Variants in LMNB1 observed in about 807,000 individuals in gnomAD.
The protein encoded by LMNB1 is lamin-B1.
A neutral mutation model predicts 67.1 loss-of-function variants in LMNB1; 23 were observed. The observed-to-expected ratio is 0.34, with a 90% confidence interval of 0.25 to 0.49. The LOEUF is 0.49. Among genes scored for constraint, LMNB1 ranks in the 20% least tolerant of loss-of-function variants. The pLI, the probability that LMNB1 is intolerant of heterozygous loss-of-function variation, is 0.99. For missense variants in LMNB1, 634 were observed against 746.5 expected (o/e 0.85, Z 1.76); for synonymous variants, 281 against 282.9 (o/e 0.99, Z 0.07).
At position 126,821,049 on chromosome 5, in the gene LMNB1, C is replaced by T. The variant is rs968506931; in HGVS notation, c.1300C>T (p.His434Tyr). ...SEASSSVSISHSASATGNVCI... is the reference protein window; with the variant it reads ...SEASSSVSISYSASATGNVCI... ...GGCGAGTAGTAGTGTTAGCATCTCT[C>T]ATTCCGCCTCAGCCACTGGAAATGT... Residue 434 changes from histidine (H) to tyrosine (Y), a missense_variant, in exon 7 of 11, where the codon CAT becomes TAT. His to Tyr is a moderately conservative substitution (Grantham distance 83, BLOSUM62 2). Coordinates refer to ENST00000261366, the MANE Select transcript of LMNB1 (RefSeq NM_005573.4). 6.2e-7 allele frequency: 1 copy of T among 1,614,014 alleles called. No individual in the cohort carries two copies. Among genetic ancestry groups the T allele is most frequent in the Non-Finnish European group, 8.5e-7 (1 of 1,179,950 alleles).
rs750864255 is a variant in LMNB1, at chr5:126,821,150, C to A, written c.1386+15C>A. On this transcript the variant is annotated intron_variant, in intron 7 of 10. Coordinates refer to ENST00000261366, the MANE Select transcript of LMNB1 (RefSeq NM_005573.4). ...CTTCTGAACAGGTAATAAAATAGAC[C>A]CTTTTTTTTCTAGCAAGGCTTTGTG... 12 of 1,540,848 alleles carry A rather than the reference C, an allele frequency of 7.8e-6. No homozygotes were observed. The East Asian group carries it at 2.0e-4, about 26-fold the overall frequency.
Position 126,777,735 on chromosome 5 carries a change from C to G in LMNB1, c.227C>G (p.Thr76Ser), listed in dbSNP as rs372142905. 1 of 1,540,440 alleles carries G rather than the reference C, an allele frequency of 6.5e-7. No individual in the cohort carries two copies. The highest frequency in any genetic ancestry group is 2.5e-5 in the East Asian group (1 of 39,770). The stretch of plus-strand genomic sequence containing the variant: ...GAGGAGGTGCGCGGCCGTGAGCTCA[C>G]CGGCCTCAAGGCGCTCTACGAGACC... Reference protein sequence around the residue: ...EREEVRGRELTGLKALYETEL... With the variant: ...EREEVRGRELSGLKALYETEL... Residue 76 changes from threonine to serine, a missense_variant, in exon 1 of 11, where the codon ACC becomes AGC. Physicochemically the swap from Thr to Ser is moderately conservative, Grantham distance 58. Coordinates refer to ENST00000261366, the MANE Select transcript of LMNB1 (RefSeq NM_005573.4).
chr5:126,788,439 C>A (rs1297520130), intron 1 of LMNB1, among the ~76,000 whole-genome samples: 5 of 152,096 alleles, frequency 3.3e-5, no homozygotes, highest in East Asian at 1.9e-4. Context: ...GAGTTTGAGA[C>A]CAGCCTGGGC....
At chr5:126,817,697 C>T (rs1580548720) in intron 5 of LMNB1, among the ~76,000 whole-genome samples, 1 of 152,106 alleles carries the variant, frequency 6.6e-6, no homozygotes, top group South Asian at 2.1e-4. Flanking sequence ...AAATTTTGAA[C>T]CTGTACTGCT....
intron 1 of LMNB1, among the ~76,000 whole-genome samples, chr5:126,800,125 T>G (rs947139351): frequency 1.8e-4 from 27 of 152,234 alleles, no homozygotes; most frequent in African/African-American, 6.3e-4. Flanking sequence ...TCTTTCATTT[T>G]TTAACAGAAA....
chr5:126,779,128 AAT>A lies in LMNB1; in HGVS notation c.359+1262_359+1263del, dbSNP rs925535019. Among the ~76,000 whole-genome samples, 94 of 152,272 alleles carry A rather than the reference AAT, an allele frequency of 6.2e-4. 2 individuals carry two copies. Among genetic ancestry groups the A allele is most frequent in the African/African-American group, 2.1e-3 (89 of 41,542 alleles). Reference sequence around the variant, plus strand: ...ATGTCTTTCTGTCTGTATCTGCGTGAATGTCCCTGTCCGAAGTCTCTGAGATT... The same window carrying A: ...ATGTCTTTCTGTCTGTATCTGCGTGAGTCCCTGTCCGAAGTCTCTGAGATT... On this transcript the variant is annotated intron_variant, in intron 1 of 10. Coordinates refer to ENST00000261366, the MANE Select transcript of LMNB1 (RefSeq NM_005573.4).
chr5:126,822,635 C>T (rs1327423831), intron 7 of LMNB1, 146 bp from the exon 8 acceptor site: 3 of 535,860 alleles, frequency 5.6e-6, no homozygotes. Context: ...ATCGTGTTTT[C>T]TTTTTATAGT....
chr5:126,835,499 C>G (rs1752229654), intron 10 of LMNB1, among the ~76,000 whole-genome samples: 1 of 152,204 alleles, frequency 6.6e-6, no homozygotes, highest in Non-Finnish European at 1.5e-5. Flanking sequence ...CAGGATCTAG[C>G]AAGCTGTAGT....
chr5:126,836,055 A>G (rs1752240942), intron 10 of LMNB1, among the ~76,000 whole-genome samples, 168 bp from the exon 11 acceptor site: 1 of 152,238 alleles, frequency 6.6e-6, no homozygotes, highest in African/African-American at 2.4e-5. Context: ...CAAACAAACA[A>G]AGAAAAAGAA....
At chr5:126,805,390 CTG>C (rs2126710847) in intron 2 of LMNB1, among the ~76,000 whole-genome samples, 179 bp from the exon 3 acceptor site, 1 of 152,310 alleles carries the variant, frequency 6.6e-6, no homozygotes, top group East Asian at 1.9e-4. Flanking sequence ...GTATGATACT[CTG>C]TGGGTGGGAC....
chr5:126,794,158 C>T (rs933039077), intron 1 of LMNB1, among the ~76,000 whole-genome samples: 7 of 152,186 alleles, frequency 4.6e-5, no homozygotes, highest in South Asian at 4.1e-4. Flanking sequence ...CTCCTGACCT[C>T]AGGTGATCTG....
chr5:126,791,265 T>C (rs1750950025), intron 1 of LMNB1, among the ~76,000 whole-genome samples: 1 of 152,040 alleles, frequency 6.6e-6, no homozygotes, highest in Admixed American at 6.6e-5. Context: ...CCTTCAGTTG[T>C]TGGAAATTTT....
chr5:126,796,776 T>TTTC (rs1232685303), intron 1 of LMNB1, among the ~76,000 whole-genome samples: 1 of 141,368 alleles, frequency 7.1e-6, no homozygotes, highest in Non-Finnish European at 1.5e-5. Flanking sequence ...TTTCTTTTTC[T>TTTC]TTTTTCTTTC....
intron 1 of LMNB1, among the ~76,000 whole-genome samples, chr5:126,795,253 T>C (rs1320979867): frequency 6.6e-6 from 1 of 151,456 alleles, no homozygotes; most frequent in Non-Finnish European, 1.5e-5. Flanking sequence ...TCCTCCCATC[T>C]CAGTCTCTCT....
At chr5:126,780,498 G>C (rs371439129) in intron 1 of LMNB1, among the ~76,000 whole-genome samples, 2 of 152,152 alleles carry the variant, frequency 1.3e-5, no homozygotes, top group East Asian at 3.8e-4. Flanking sequence ...TTTCAGCGGG[G>C]TTAAAAAATG....
Position 126,832,686 on chromosome 5 carries a change from GT to G in LMNB1, c.1612-3del. ...GTGTTTTTTAACTTAAACTACTATTGTTTTTAGGAGGTTGCTCAAAGAAGTA... is the reference window on the plus strand; with the variant it reads ...GTGTTTTTTAACTTAAACTACTATTGTTTTAGGAGGTTGCTCAAAGAAGTA... On this transcript the variant is annotated splice_polypyrimidine_tract_variant and splice_region_variant and intron_variant, in intron 9 of 10. Coordinates refer to ENST00000261366, the MANE Select transcript of LMNB1 (RefSeq NM_005573.4). The G allele has an allele frequency of 6.3e-7, 1 of 1,595,232 alleles. No homozygotes were observed. The highest frequency in any genetic ancestry group is 1.1e-5 in the South Asian group (1 of 90,594).
Position 126,810,347 on chromosome 5 carries a change from C to T in LMNB1, c.810C>T (p.Ala270=). The T allele has an allele frequency of 1.3e-6, 2 of 1,599,132 alleles. No individual in the cohort carries two copies. Among genetic ancestry groups the T allele is most frequent in the Non-Finnish European group, 1.7e-6 (2 of 1,167,984 alleles). The stretch of plus-strand genomic sequence containing the variant: ...AGGAGCTGGAGCAGACTTACCATGC[C>T]AAAGTGAGCTCTCTTCAGAAGATTC... ...YKEELEQTYH[A]KLENARLSSE... The change falls in exon 4 of 11, where the codon GCC becomes GCT. Residue 270 remains alanine (A), a synonymous_variant. Transcript: ENST00000261366.
intron 1 of LMNB1, among the ~76,000 whole-genome samples, chr5:126,782,431 G>A (rs1177754142): frequency 5.3e-5 from 8 of 152,236 alleles, no homozygotes; most frequent in Admixed American, 5.2e-4. Flanking sequence ...ATGGCAAGTG[G>A]AGAAAGACAG....
At chr5:126,808,880 AT>A (rs111276109) in intron 3 of LMNB1, among the ~76,000 whole-genome samples, 96 of 145,726 alleles carry the variant, frequency 6.6e-4, no homozygotes, top group Admixed American at 9.6e-4. Flanking sequence ...TCTAATTATT[AT>A]TTTTTTTTTT....
Sources: gnomAD v4.1 joint callset for allele counts (sites outside exome capture counted in the v4.1 genomes callset) on GRCh38, gnomAD v4.1.1 for gene constraint, MANE v1.5 for transcripts, NCBI Gene and HGNC (gene_info 2026-07-23, HGNC 2026-07-21) for gene names.